Variants in DOK7 observed in about 807,000 individuals in gnomAD.
DOK7 encodes the protein docking protein 7.
DOK7 carries 32 observed loss-of-function variants against 30.7 expected under a neutral mutation model. That is an observed-to-expected ratio of 1.04 (90% CI 0.79 to 1.40). The LOEUF is 1.40. Ranked by LOEUF, DOK7 falls within the 40% of genes most tolerant of loss-of-function variation. DOK7 has a pLI of 0.00. For missense variants in DOK7, 1,007 were observed against 699.2 expected (o/e 1.44, Z -4.97); for synonymous variants, 447 against 324.1 (o/e 1.38, Z -4.07).
rs61163173 is a variant in DOK7 at position 3,494,187 on chromosome 4, C to T, written c.*686C>T. ...CTGCTGACCCCACTGGGAGAGGCGC[C>T]GTGCCTCGGGCCCCTGGTGGGAGCT... On this transcript the variant is annotated 3_prime_UTR_variant, in exon 7 of 7. Transcript: ENST00000340083. 1.1e-3 allele frequency: 1,039 copies of T among 985,574 alleles called. 8 individuals carry two copies. The African/African-American group carries it at 0.016, about 15-fold the overall frequency. The allele number at this position is 985,574 out of a possible 1,614,324, so 61.1% of individuals were successfully genotyped here. A position where few individuals can be genotyped will look rare whatever the true frequency, so the allele number is the denominator to read the frequency against.
Position 3,463,388 on chromosome 4 carries a change from G to T in DOK7, c.13G>T (p.Ala5Ser). 1 of 1,497,008 alleles carries T rather than the reference G, an allele frequency of 6.7e-7. No homozygotes were observed. Among genetic ancestry groups the T allele is most frequent in the African/African-American group, 1.5e-5 (1 of 68,832 alleles). The allele number at this position is 1,497,008 out of a possible 1,614,324, so 92.7% of individuals were successfully genotyped here. MTEA[A>S]LVEGQVKLRD... Reference sequence around the variant, plus strand: ...ACCATGACAGAAGATGACCGAGGCGGCGCTGGTGGAGGGCCAGGTCAAGCT... The same window carrying T: ...ACCATGACAGAAGATGACCGAGGCGTCGCTGGTGGAGGGCCAGGTCAAGCT... Residue 5 changes from alanine to serine, a missense_variant, in exon 1 of 7, where the codon GCG (alanine) becomes TCG (serine). Ala to Ser is a moderately conservative substitution (Grantham distance 99). Transcript: ENST00000340083.
In DOK7 at chr4:3,474,540, G is replaced by A. The variant is rs554159278; in HGVS notation, c.331+904G>A. Among the ~76,000 whole-genome samples the A allele has an allele frequency of 2.4e-4, 36 of 152,246 alleles. 2 individuals are homozygous for A. The South Asian group carries it at 6.8e-3, about 29-fold the overall frequency. ...TCTCTACTAAAAATACAAAAATGATGGCCAGGTGCAGTGGCTCATGCCTGT... is the reference window on the plus strand; with the variant it reads ...TCTCTACTAAAAATACAAAAATGATAGCCAGGTGCAGTGGCTCATGCCTGT... On this transcript the variant is annotated intron_variant, in intron 3 of 6. Transcript: ENST00000340083.
chr4:3,494,773 T>C (rs1045692460), downstream of DOK7, among the ~76,000 whole-genome samples: 6 of 152,146 alleles, frequency 3.9e-5, no homozygotes, highest in African/African-American at 7.2e-5. Flanking sequence ...CCCTCAGGCA[T>C]GGGGCTCCTC....
In DOK7 at chr4:3,494,359, C is replaced by T. The variant is rs936443421; in HGVS notation, c.*858C>T. ...CCTGGGTGGCTTCCTCTTGCACAGC[C>T]TGGAGCCTGCCCTGACCACAGCCCA... On this transcript the variant is annotated 3_prime_UTR_variant, in exon 7 of 7. Transcript: ENST00000340083. 14 of 985,876 alleles carry T rather than the reference C, an allele frequency of 1.4e-5. No homozygotes were observed. The Admixed American group carries it at 4.3e-4, about 30-fold the overall frequency. 61.1% of individuals were successfully genotyped at this position (985,876 alleles called of 1,614,324 possible). A position where few individuals can be genotyped will look rare whatever the true frequency, so the allele number is the denominator to read the frequency against.
At chr4:3,488,370 C>T (rs1480752774) in intron 5 of DOK7, among the ~76,000 whole-genome samples, 1 of 152,224 alleles carries the variant, frequency 6.6e-6, no homozygotes, top group Non-Finnish European at 1.5e-5. Context: ...CAGCTGGGCA[C>T]CTGTGTGGGC....
Position 3,493,361 on chromosome 4 carries a change from CCCCAGGGCAGCGAGGCCA to C in DOK7, c.1377_1394del (p.Gln460_Thr465del). 1 of 1,598,626 alleles carries C rather than the reference CCCCAGGGCAGCGAGGCCA, an allele frequency of 6.3e-7. No individual in the cohort carries two copies. Among genetic ancestry groups the C allele is most frequent in the Non-Finnish European group, 8.5e-7 (1 of 1,173,184 alleles). ...ACGGCGGGGCCTGGTGATGGAGGCC[CCCCAGGGCAGCGAGGCCA>C]CACTGCCTGGCCCTGCCCCTGGCGA... On this transcript the variant is annotated inframe_deletion, in exon 7 of 7. Coordinates refer to ENST00000340083, the MANE Select transcript of DOK7 (RefSeq NM_173660.5).
chr4:3,469,075 T>C (rs1043505283), intron 2 of DOK7, among the ~76,000 whole-genome samples: 4 of 144,064 alleles, frequency 2.8e-5, no homozygotes, highest in African/African-American at 1.1e-4. Flanking sequence ...TGTGTGTGCC[T>C]GAGTGTACAT....
At chr4:3,476,752 G>A (rs1016566702) in intron 4 of DOK7, among the ~76,000 whole-genome samples, 13 of 152,130 alleles carry the variant, frequency 8.5e-5, no homozygotes, top group Non-Finnish European at 1.6e-4. Context: ...GAGGGGCCTC[G>A]GCTACCTCTG....
rs369425286 is a variant in DOK7 at position 3,492,868 on chromosome 4, G to T, written c.882G>T (p.Thr294=). Residue 294 remains threonine (T), a synonymous_variant, in exon 7 of 7, where the codon ACG becomes ACT. Transcript: ENST00000340083. ...WPEQSSSSAS[T]SQEGPRPAAA... The stretch of plus-strand genomic sequence containing the variant: ...AGCAATCCTCGTCGTCAGCCAGCAC[G>T]TCACAGGAGGGGCCTAGACCAGCAG... The T allele has an allele frequency of 1.2e-6, 2 of 1,607,268 alleles. No individual in the cohort carries two copies. Among genetic ancestry groups the T allele is most frequent in the Non-Finnish European group, 1.7e-6 (2 of 1,178,102 alleles).
chr4:3,485,411 C>T lies in DOK7; in HGVS notation c.533-128C>T, dbSNP rs974154071. 21 of 1,285,972 alleles carry T rather than the reference C, an allele frequency of 1.6e-5. 1 individual carries two copies. The Middle Eastern group carries it at 8.3e-4, about 51-fold the overall frequency. 79.7% of individuals were successfully genotyped at this position (1,285,972 alleles called of 1,614,324 possible). Reference sequence around the variant, plus strand: ...GGTGTCGGCTCTGGGCATCTGACTTCGTGGGGCCAGGCAGGGTGTCATTGT... The same window carrying T: ...GGTGTCGGCTCTGGGCATCTGACTTTGTGGGGCCAGGCAGGGTGTCATTGT... On this transcript the variant is annotated intron_variant, in intron 4 of 6. Coordinates refer to ENST00000340083, the MANE Select transcript of DOK7 (RefSeq NM_173660.5).
intron 6 of DOK7, among the ~76,000 whole-genome samples, chr4:3,490,209 TC>T (rs1728168111): frequency 1.7e-5 from 1 of 60,284 alleles, no homozygotes; most frequent in Non-Finnish European, 2.9e-5. Context: ...CCCCCCTCAT[TC>T]ATTCCTGTCT....
At chr4:3,480,469 G>A (rs1727378524) in intron 4 of DOK7, among the ~76,000 whole-genome samples, 1 of 152,148 alleles carries the variant, frequency 6.6e-6, no homozygotes, top group Non-Finnish European at 1.5e-5. Flanking sequence ...TTAGGCAGGT[G>A]TGGTAGCAGG....
chr4:3,479,702 C>G (rs982034829), intron 4 of DOK7, among the ~76,000 whole-genome samples: 2 of 152,182 alleles, frequency 1.3e-5, no homozygotes, highest in Non-Finnish European at 2.9e-5. Flanking sequence ...CTGTGCATCA[C>G]GGGGGCCCTG....
At chr4:3,494,654 GGA>G (rs1460122652), downstream of DOK7, among the ~76,000 whole-genome samples, 3 of 151,446 alleles carry the variant, frequency 2.0e-5, no homozygotes, top group Non-Finnish European at 4.4e-5. Flanking sequence ...TGTGGTGTGC[GGA>G]GAGGCAGCTC....
At chr4:3,499,698 G>A (rs1729096161) in intron 6 of DOK7, among the ~76,000 whole-genome samples, 1 of 152,060 alleles carries the variant, frequency 6.6e-6, no homozygotes, top group South Asian at 2.1e-4. Flanking sequence ...GGGGCACCTG[G>A]GTGTCCTGGA....
Position 3,485,603 on chromosome 4 carries a change from C to G in DOK7, c.597C>G (p.Ile199Met). The stretch of plus-strand genomic sequence containing the variant: ...AGATCAGCTTCCTGTTCGACTGCAT[C>G]GTCCGAGGCATCTCCCCCACCAAGG... ...GEQISFLFDC[I>M]VRGISPTKGP... Residue 199 changes from isoleucine to methionine, a missense_variant, in exon 5 of 7, where the codon ATC becomes ATG. Physicochemically the swap from Ile to Met is conservative, Grantham distance 10. Transcript: ENST00000340083. The G allele has an allele frequency of 6.2e-7, 1 of 1,608,238 alleles. No homozygotes were observed. The highest frequency in any genetic ancestry group is 2.3e-5 in the East Asian group (1 of 44,438).
chr4:3,469,058 G>T (rs1726569132), intron 2 of DOK7, among the ~76,000 whole-genome samples: 2 of 110,184 alleles, frequency 1.8e-5, no homozygotes, highest in Non-Finnish European at 1.8e-5. Flanking sequence ...GTCTGTGTGT[G>T]CATTAGTGTG....
downstream of DOK7, among the ~76,000 whole-genome samples, chr4:3,499,097 CG>C (rs1278974521): frequency 1.3e-5 from 2 of 152,188 alleles, no homozygotes; most frequent in Non-Finnish European, 2.9e-5. Context: ...CGGCAGGTGC[CG>C]GGCAGCGGGT....
At chr4:3,500,945 C>A in exon 8 of DOK7, 1 of 1,393,278 alleles carries the variant, frequency 7.2e-7, no homozygotes, top group Non-Finnish European at 9.4e-7. Context: ...GTCGCAGGAG[C>A]AGGCATGGCC....
Sources: gnomAD v4.1 joint callset for allele counts (sites outside exome capture counted in the v4.1 genomes callset) on GRCh38, gnomAD v4.1.1 for gene constraint, MANE v1.5 for transcripts, NCBI Gene and HGNC (gene_info 2026-07-23, HGNC 2026-07-21) for gene names.